MAF1: variants seen among roughly 807,000 people sequenced by gnomAD.
MAF1 encodes MAF1 negative regulator of RNA polymerase III.
In MAF1, 7 loss-of-function variants were observed where a neutral mutation model predicts 31.9. That is an observed-to-expected ratio of 0.22 (90% CI 0.12 to 0.41). The LOEUF is 0.41. MAF1 is among the 10% of genes least tolerant of loss of function. MAF1 has a pLI of 1.00. For missense variants in MAF1, 221 were observed against 323.1 expected (o/e 0.68, Z 2.42); for synonymous variants, 157 against 120.0 (o/e 1.31, Z -2.02).
In MAF1 at chr8:144,105,860, A is replaced by G. The variant is rs1836402695; in HGVS notation, c.84-9A>G. On this transcript the variant is annotated splice_polypyrimidine_tract_variant and intron_variant, in intron 2 of 7. Transcript: ENST00000322428. ...AAGCATGCTTCATGGTTCTCTCTGC[A>G]TCCTATAGGATTGAGAGCTACTCAT... is the stretch of plus-strand genomic sequence containing the variant. The G allele has an allele frequency of 3.7e-6, 6 of 1,612,820 alleles. No homozygotes were observed. The highest frequency in any genetic ancestry group is 5.1e-6 in the Non-Finnish European group (6 of 1,180,004).
rs1564318569 is a variant in MAF1 at position 144,107,246 on chromosome 8, A to T, written c.*137A>T. The T allele has an allele frequency of 8.8e-7, 1 of 1,137,182 alleles. No homozygotes were observed. The highest frequency in any genetic ancestry group is 1.3e-6 in the Non-Finnish European group (1 of 775,554). The allele number at this position is 1,137,182 out of a possible 1,614,324, so 70.4% of individuals were successfully genotyped here. The stretch of plus-strand genomic sequence containing the variant: ...CAGTCCTGGCACTGCCCAAGGCCAT[A>T]CCTGCCTAGCCCTTTGGCTCCATCC... On this transcript the variant is annotated 3_prime_UTR_variant, in exon 8 of 8. Transcript: ENST00000322428.
intron 1 of MAF1, 33 bp from the exon 2 acceptor site, chr8:144,105,603 CAGAT>C: frequency 7.6e-7 from 1 of 1,324,100 alleles, no homozygotes; most frequent in Admixed American, 1.7e-5. Context: ...CCCAAGGGGC[CAGAT>C]AGATACCCAT....
In MAF1 at chr8:144,105,675, C is replaced by T. The variant is rs1836397689; in HGVS notation, c.-9C>T. On this transcript the variant is annotated 5_prime_UTR_variant, in exon 2 of 8. Coordinates refer to ENST00000322428, the MANE Select transcript of MAF1 (RefSeq NM_032272.5). ...CCCCTCTGGAGCACGGAGCTCCTTCCCCAAAGACATGAAGCTATTGGAGAA... is the reference window on the plus strand; with the variant it reads ...CCCCTCTGGAGCACGGAGCTCCTTCTCCAAAGACATGAAGCTATTGGAGAA... 2 of 1,612,748 alleles carry T rather than the reference C, an allele frequency of 1.2e-6. No homozygotes were observed. The highest frequency in any genetic ancestry group is 1.7e-6 in the Non-Finnish European group (2 of 1,179,428).
At position 144,105,823 on chromosome 8, in the gene MAF1, G is replaced by A. The variant is rs750163708; in HGVS notation, c.84-46G>A. On this transcript the variant is annotated intron_variant, in intron 2 of 7. Transcript: ENST00000322428. ...AGGTCACACTGCCGCGCCCTTCAGT[G>A]GAACCTGGGGGAAGCATGCTTCATG... is the stretch of plus-strand genomic sequence containing the variant. The A allele has an allele frequency of 1.9e-6, 3 of 1,612,890 alleles. No individual in the cohort carries two copies. In the East Asian group the frequency reaches 6.7e-5, roughly 36 times the overall value.
At position 144,105,443 on chromosome 8, in the gene MAF1, T is replaced by C. The variant is rs112255220; in HGVS notation, c.-44-197T>C. On this transcript the variant is annotated intron_variant, in intron 1 of 7. Coordinates refer to ENST00000322428, the MANE Select transcript of MAF1 (RefSeq NM_032272.5). ...CAGGGGGTATGGCTGACCTGGAGCC[T>C]GGACTTACCACCCTCAGGTAAAACA... The C allele has an allele frequency of 7.1e-3, 4,041 of 566,214 alleles. 44 individuals are homozygous for C. The highest frequency in any genetic ancestry group is 0.028 in the South Asian group (1,350 of 48,788). The allele number at this position is 566,214 out of a possible 1,614,324, so 35.1% of individuals were successfully genotyped here. A position where few individuals can be genotyped will look rare whatever the true frequency, so the allele number is the denominator to read the frequency against.
In MAF1 at chr8:144,105,592, C is replaced by A. The variant is rs1280060203; in HGVS notation, c.-44-48C>A. On this transcript the variant is annotated intron_variant, in intron 1 of 7. Transcript: ENST00000322428. ...GTGGGTAGGAGGGCTGAAGGCAGGGCCCCAAGGGGCCAGATAGATACCCAT... is the reference window on the plus strand; with the variant it reads ...GTGGGTAGGAGGGCTGAAGGCAGGGACCCAAGGGGCCAGATAGATACCCAT... 5.3e-5 allele frequency: 63 copies of A among 1,182,328 alleles called. 3 individuals are homozygous for A. In the South Asian group the frequency reaches 7.5e-4, roughly 14 times the overall value. The allele number at this position is 1,182,328 out of a possible 1,614,324, so 73.2% of individuals were successfully genotyped here. A position where few individuals can be genotyped will look rare whatever the true frequency, so the allele number is the denominator to read the frequency against.
Position 144,106,573 on chromosome 8 carries a change from C to T in MAF1, c.519C>T (p.Asp173=), listed in dbSNP as rs1164091148. ...TCCCCAGCTATAACCCAGACTTGGACTCAGATCCCTTCGGGGAGGATGGTA... is the reference window on the plus strand; with the variant it reads ...TCCCCAGCTATAACCCAGACTTGGATTCAGATCCCTTCGGGGAGGATGGTA... ...CDIYSYNPDL[D]SDPFGEDGSL... Residue 173 remains aspartate (D), a synonymous_variant, in exon 6 of 8, where the codon GAC becomes GAT. Coordinates refer to ENST00000322428, the MANE Select transcript of MAF1 (RefSeq NM_032272.5). 6.2e-6 allele frequency: 10 copies of T among 1,613,844 alleles called. No individual in the cohort carries two copies. The highest frequency in any genetic ancestry group is 2.7e-5 in the African/African-American group (2 of 74,920).
rs1308000644 is a variant in MAF1, at chr8:144,107,302, G to C, written c.*193G>C. 7 of 697,744 alleles carry C rather than the reference G, an allele frequency of 1.0e-5. No homozygotes were observed. In the African/African-American group the frequency reaches 1.2e-4, roughly 12 times the overall value. 43.2% of individuals were successfully genotyped at this position (697,744 alleles called of 1,614,324 possible). On this transcript the variant is annotated 3_prime_UTR_variant, in exon 8 of 8. Transcript: ENST00000322428. ...ATGCCCACTCACCCCTCAGACTCCTGCTGCCCATGCTGTGGCCGGACTTGT... is the reference window on the plus strand; with the variant it reads ...ATGCCCACTCACCCCTCAGACTCCTCCTGCCCATGCTGTGGCCGGACTTGT...
chr8:144,107,217 G>A lies in MAF1; in HGVS notation c.*108G>A, dbSNP rs1198057721. 7 of 1,406,852 alleles carry A rather than the reference G, an allele frequency of 5.0e-6. No homozygotes were observed. Among genetic ancestry groups the A allele is most frequent in the South Asian group, 1.2e-5 (1 of 81,046 alleles). 87.1% of individuals were successfully genotyped at this position (1,406,852 alleles called of 1,614,324 possible). ...CAGCTGCTGGCCAGACCCTGGCGCT[G>A]CCACAGTCCTGGCACTGCCCAAGGC... On this transcript the variant is annotated 3_prime_UTR_variant, in exon 8 of 8. Transcript: ENST00000322428.
At position 144,104,494 on chromosome 8, in the gene MAF1, T is replaced by C. The variant is rs1419873206; in HGVS notation, c.-409T>C. 3.3e-5 allele frequency: 5 copies of C among 151,624 alleles called. No homozygotes were observed. The highest frequency in any genetic ancestry group is 7.3e-5 in the African/African-American group (3 of 41,188). The allele number at this position is 151,624 out of a possible 1,614,324, so 9.4% of individuals were successfully genotyped here. ...GCGCGGGGCCGGGCCCGGCGGACGC[T>C]TGTTGTTGTCCGGCCGGGGGAGGCG... is the stretch of plus-strand genomic sequence containing the variant. On this transcript the variant is annotated 5_prime_UTR_variant, in exon 1 of 8. Transcript: ENST00000322428.
Position 144,105,862 on chromosome 8 carries a change from C to T in MAF1, c.84-7C>T, listed in dbSNP as rs575944472. 2.5e-5 allele frequency: 41 copies of T among 1,612,818 alleles called. No homozygotes were observed. The highest frequency in any genetic ancestry group is 5.3e-5 in the African/African-American group (4 of 74,914). Reference sequence around the variant, plus strand: ...GCATGCTTCATGGTTCTCTCTGCATCCTATAGGATTGAGAGCTACTCATGT... The same window carrying T: ...GCATGCTTCATGGTTCTCTCTGCATTCTATAGGATTGAGAGCTACTCATGT... On this transcript the variant is annotated splice_polypyrimidine_tract_variant and splice_region_variant and intron_variant, in intron 2 of 7. Coordinates refer to ENST00000322428, the MANE Select transcript of MAF1 (RefSeq NM_032272.5).
In MAF1 at chr8:144,107,202, C is replaced by A. The variant is rs1282262016; in HGVS notation, c.*93C>A. ...CCCCTGGGGCCTCCCCAGCTGCTGG[C>A]CAGACCCTGGCGCTGCCACAGTCCT... On this transcript the variant is annotated 3_prime_UTR_variant, in exon 8 of 8. Transcript: ENST00000322428. The A allele has an allele frequency of 1.5e-5, 23 of 1,485,230 alleles. No homozygotes were observed. The highest frequency in any genetic ancestry group is 2.1e-5 in the Non-Finnish European group (23 of 1,088,112). The allele number at this position is 1,485,230 out of a possible 1,614,324, so 92.0% of individuals were successfully genotyped here. A position where few individuals can be genotyped will look rare whatever the true frequency, so the allele number is the denominator to read the frequency against.
rs1233406580 is a variant in MAF1 at position 144,106,995 on chromosome 8, G to A, written c.749+32G>A. On this transcript the variant is annotated intron_variant, in intron 7 of 7. Transcript: ENST00000322428. Reference sequence around the variant, plus strand: ...GATGGGGGCCATGACCCGGGTCCTTGAAGCCTGGAGTGGGTACAACAGGGT... The same window carrying A: ...GATGGGGGCCATGACCCGGGTCCTTAAAGCCTGGAGTGGGTACAACAGGGT... 7 of 1,548,506 alleles carry A rather than the reference G, an allele frequency of 4.5e-6. No individual in the cohort carries two copies. In the African/African-American group the frequency reaches 9.6e-5, roughly 21 times the overall value.
Position 144,107,096 on chromosome 8 carries a change from T to C in MAF1, c.758T>C (p.Val253Ala). Residue 253 changes from valine to alanine, a missense_variant, in exon 8 of 8, where the codon GTG becomes GCG. This residue lies in a region of MAF1 where 75 missense variants were observed against 60.1 expected (regional missense o/e 1.25). Transcript: ENST00000322428. ...TGCCAACCTCCGCCCAGGGTCCCAG[T>C]GATCTGTATTTGATGAGGAGGAGCC... Reference protein sequence around the residue: ...TSTMEEDRVPVICI With the variant: ...TSTMEEDRVPAICI The C allele has an allele frequency of 6.4e-7, 1 of 1,572,700 alleles. No individual in the cohort carries two copies. Among genetic ancestry groups the C allele is most frequent in the Admixed American group, 1.8e-5 (1 of 54,320 alleles).
At position 144,106,145 on chromosome 8, in the gene MAF1, C is replaced by T. The variant is rs1302463132; in HGVS notation, c.282C>T (p.Phe94=). 6.2e-6 allele frequency: 10 copies of T among 1,613,854 alleles called. No homozygotes were observed. Among genetic ancestry groups the T allele is most frequent in the South Asian group, 1.1e-5 (1 of 91,088 alleles). Residue 94 remains phenylalanine (F), a synonymous_variant, in exon 4 of 8, where the codon TTC becomes TTT. Transcript: ENST00000322428. ...LSDKCSRKTL[F]YLIATLNESF... The stretch of plus-strand genomic sequence containing the variant: ...ACAAGTGCAGCCGCAAGACCCTCTT[C>T]TACCTGATTGCCACGCTCAATGAGT...
rs1320865630 is a variant in MAF1, at chr8:144,106,076, A to G, written c.213A>G (p.Arg71=). Residue 71 remains arginine, a splice_region_variant and synonymous_variant, in exon 4 of 8, where the codon AGA becomes AGG. Transcript: ENST00000322428. ...CCAGCTGATGGTTCTGTCTGTGCAG[A>G]CTCAGCAAAAGCCAAGGCGGTGAGG... ...PPQTSGLSPS[R]LSKSQGGEEE... 3.7e-6 allele frequency: 6 copies of G among 1,613,440 alleles called. No individual in the cohort carries two copies. Among genetic ancestry groups the G allele is most frequent in the Non-Finnish European group, 5.1e-6 (6 of 1,179,964 alleles).
Position 144,107,592 on chromosome 8 carries a change from A to G in MAF1, c.*483A>G. On this transcript the variant is annotated 3_prime_UTR_variant, in exon 8 of 8. Coordinates refer to ENST00000322428, the MANE Select transcript of MAF1 (RefSeq NM_032272.5). ...CTTTGCTGCAGCTCGTTTCTTTCCA[A>G]TAAAAGTTTCTGTGACTTAGTGTGG... The G allele has an allele frequency of 3.2e-6, 2 of 630,020 alleles. No individual in the cohort carries two copies. The highest frequency in any genetic ancestry group is 1.8e-5 in the South Asian group (1 of 55,492). The allele number at this position is 630,020 out of a possible 1,614,324, so 39.0% of individuals were successfully genotyped here.
chr8:144,107,117 G>A lies in MAF1; in HGVS notation c.*8G>A, dbSNP rs749362476. ...CCAGTGATCTGTATTTGATGAGGAG[G>A]AGCCGAGGCCCCAGCTTCATCCAGC... On this transcript the variant is annotated 3_prime_UTR_variant, in exon 8 of 8. Transcript: ENST00000322428. 3 of 1,564,070 alleles carry A rather than the reference G, an allele frequency of 1.9e-6. No homozygotes were observed. Among genetic ancestry groups the A allele is most frequent in the African/African-American group, 1.4e-5 (1 of 73,396 alleles).
rs1446231457 is a variant in MAF1, at chr8:144,107,124, G to A, written c.*15G>A. 1 of 1,560,622 alleles carries A rather than the reference G, an allele frequency of 6.4e-7. No individual in the cohort carries two copies. The highest frequency in any genetic ancestry group is 8.7e-7 in the Non-Finnish European group (1 of 1,152,520). ...TCTGTATTTGATGAGGAGGAGCCGA[G>A]GCCCCAGCTTCATCCAGCTTCAACC... On this transcript the variant is annotated 3_prime_UTR_variant, in exon 8 of 8. Transcript: ENST00000322428.
Sources: allele counts gnomAD v4.1 joint callset, GRCh38; gene constraint gnomAD v4.1.1; regional missense constraint gnomAD v4.1.1; transcripts MANE v1.5; gene names NCBI Gene and HGNC (gene_info 2026-07-23, HGNC 2026-07-21).